CSNK2A2IP: variants seen among roughly 807,000 people sequenced by gnomAD.
CSNK2A2IP encodes the protein casein kinase II subunit alpha'-interacting protein.
chr3:88,356,562 A>G, the CSNK2A2IP span, among the ~76,000 whole-genome samples: 3 of 152,126 alleles, frequency 2.0e-5, no homozygotes, highest in African/African-American at 7.2e-5. Context: ...ATAAAAATGC[A>G]AGGGTACATA....
chr3:88,390,020 C>G, the CSNK2A2IP span, among the ~76,000 whole-genome samples: 10 of 152,052 alleles, frequency 6.6e-5, no homozygotes, highest in Non-Finnish European at 1.2e-4. Context: ...AATGTAAAAA[C>G]GGCTCGTCAG....
the CSNK2A2IP span, chr3:88,466,508 C>T: frequency 8.1e-7 from 1 of 1,231,880 alleles, no homozygotes; most frequent in Non-Finnish European, 1.0e-6. Flanking sequence ...AGGAACACAG[C>T]TGCTTCAACA....
chr3:88,346,345 A>G, the CSNK2A2IP span, among the ~76,000 whole-genome samples: 6 of 152,168 alleles, frequency 3.9e-5, no homozygotes, highest in South Asian at 6.2e-4. Context: ...CAGATTTTCA[A>G]TGTAAATGAA....
the CSNK2A2IP span, among the ~76,000 whole-genome samples, chr3:88,357,702 C>A: frequency 5.3e-5 from 8 of 151,470 alleles, no homozygotes; most frequent in African/African-American, 1.9e-4. Flanking sequence ...TTGATTCTTC[C>A]AATTAATGAA....
the CSNK2A2IP span, among the ~76,000 whole-genome samples, chr3:88,446,257 T>C: frequency 6.6e-6 from 1 of 151,856 alleles, no homozygotes; most frequent in Non-Finnish European, 1.5e-5. Flanking sequence ...CCCAGCTAAT[T>C]TTTTGTGTCT....
the CSNK2A2IP span, among the ~76,000 whole-genome samples, chr3:88,354,711 T>G: frequency 6.6e-6 from 1 of 152,114 alleles, no homozygotes; most frequent in Admixed American, 6.6e-5. Context: ...AGAAAAATCA[T>G]GAAAGCTGAA....
At chr3:88,341,990 G>A in the CSNK2A2IP span, among the ~76,000 whole-genome samples, 1 of 151,948 alleles carries the variant, frequency 6.6e-6, no homozygotes, top group East Asian at 1.9e-4. Flanking sequence ...GTCATGAAAC[G>A]GATCATTCCC....
the CSNK2A2IP span, among the ~76,000 whole-genome samples, chr3:88,370,089 C>A: frequency 2.6e-5 from 4 of 151,794 alleles, no homozygotes; most frequent in East Asian, 3.9e-4. Flanking sequence ...CTTATGGAAC[C>A]AAAACCTAGC....
the CSNK2A2IP span, among the ~76,000 whole-genome samples, chr3:88,430,557 T>C: frequency 6.6e-6 from 1 of 152,026 alleles, no homozygotes; most frequent in Non-Finnish European, 1.5e-5. Flanking sequence ...TTTACCAACA[T>C]ACTGATGAGA....
chr3:88,438,188 T>A, the CSNK2A2IP span, among the ~76,000 whole-genome samples: 289 of 152,322 alleles, frequency 1.9e-3, 1 homozygote, highest in African/African-American at 6.6e-3. Flanking sequence ...TGTTTACTAG[T>A]TTCCTACTGG....
At chr3:88,415,371 G>T in the CSNK2A2IP span, among the ~76,000 whole-genome samples, 2 of 152,012 alleles carry the variant, frequency 1.3e-5, no homozygotes, top group African/African-American at 4.8e-5. Flanking sequence ...TTCCTATTCA[G>T]AAGAAGCAAT....
the CSNK2A2IP span, among the ~76,000 whole-genome samples, chr3:88,343,638 CTTA>C: frequency 1.7e-3 from 265 of 151,914 alleles, no homozygotes; most frequent in Admixed American, 4.7e-3. Context: ...TAGTAGTAAA[CTTA>C]TTATAAATGA....
At chr3:88,414,241 T>C in the CSNK2A2IP span, among the ~76,000 whole-genome samples, 1 of 138,012 alleles carries the variant, frequency 7.2e-6, no homozygotes, top group Non-Finnish European at 1.6e-5. Context: ...TAAGGAAACC[T>C]AAAATATCAG....
At chr3:88,361,587 C>T in the CSNK2A2IP span, among the ~76,000 whole-genome samples, 9 of 152,002 alleles carry the variant, frequency 5.9e-5, no homozygotes, top group Admixed American at 4.6e-4. Context: ...TATTACATGC[C>T]TTGAGGTAGT....
chr3:88,345,499 A>T, the CSNK2A2IP span, among the ~76,000 whole-genome samples: 1 of 151,992 alleles, frequency 6.6e-6, no homozygotes, highest in Non-Finnish European at 1.5e-5. Flanking sequence ...CCATTTTTTC[A>T]TCAGCACATG....
the CSNK2A2IP span, among the ~76,000 whole-genome samples, chr3:88,445,275 C>CAAAAAA: frequency 0.02 from 963 of 47,700 alleles, 61 homozygotes; most frequent in East Asian, 0.038. Context: ...GTAAAAATAC[C>CAAAAAA]AAAAAAAAAA....
chr3:88,345,982 A>T, the CSNK2A2IP span, among the ~76,000 whole-genome samples: 1 of 146,562 alleles, frequency 6.8e-6, no homozygotes, highest in African/African-American at 2.5e-5. Flanking sequence ...ATTAAAAGTG[A>T]TACTCCAATG....
At chr3:88,449,874 T>TATATAGAGAGAGAGAGAGAGAGAG in the CSNK2A2IP span, among the ~76,000 whole-genome samples, 26 of 70,050 alleles carry the variant, frequency 3.7e-4, no homozygotes, top group Admixed American at 1.2e-3. Flanking sequence ...TATATATATA[T>TATATAGAGAGAGAGAGAGAGAGAG]AGAGAGAGAG....
the CSNK2A2IP span, among the ~76,000 whole-genome samples, chr3:88,393,283 G>C: frequency 2.0e-5 from 3 of 152,266 alleles, no homozygotes; most frequent in East Asian, 5.8e-4. Flanking sequence ...TACATTTTTT[G>C]ATGTCAACTT....
Sources: gnomAD v4.1 joint callset for allele counts (sites outside exome capture counted in the v4.1 genomes callset) on GRCh38, gnomAD v4.1.1 for gene constraint, MANE v1.5 for transcripts, NCBI Gene and HGNC (gene_info 2026-07-23, HGNC 2026-07-21) for gene names.